Variants in MEI4 observed in about 807,000 individuals in gnomAD.
MEI4 encodes the protein meiotic double-stranded break formation protein 4.
A neutral mutation model predicts 31.4 loss-of-function variants in MEI4; 27 were observed. That is an observed-to-expected ratio of 0.86 (90% CI 0.63 to 1.19). The LOEUF (loss-of-function observed/expected upper bound fraction) is 1.19. Among genes scored for constraint, MEI4 ranks in the 50% most tolerant of loss-of-function variants. MEI4 has a pLI of 0.00. For synonymous variants in MEI4, 122 were observed against 145.4 expected (o/e 0.84, Z 1.16); for missense variants, 329 against 398.9 (o/e 0.82, Z 1.49).
At chr6:77,834,810 C>G (rs1770173996) in intron 4 of MEI4, among the ~76,000 whole-genome samples, 1 of 152,262 alleles carries the variant, frequency 6.6e-6, no homozygotes, top group South Asian at 2.1e-4. Flanking sequence ...CTTCTGCTGA[C>G]CCCTTTCCCC....
chr6:77,801,423 C>G (rs1431821081), intron 3 of MEI4, among the ~76,000 whole-genome samples: 2 of 152,064 alleles, frequency 1.3e-5, no homozygotes, highest in African/African-American at 4.8e-5. Flanking sequence ...TTTTGTTGCT[C>G]TTTTCAAAAC....
At chr6:77,815,389 A>C (rs545886686) in intron 3 of MEI4, among the ~76,000 whole-genome samples, 10 of 152,260 alleles carry the variant, frequency 6.6e-5, no homozygotes, top group Non-Finnish European at 1.5e-4. Context: ...GTTCCTGGTC[A>C]TTAAAGGGCA....
At chr6:77,886,203 C>T (rs533782279) in intron 4 of MEI4, among the ~76,000 whole-genome samples, 10 of 152,122 alleles carry the variant, frequency 6.6e-5, no homozygotes, top group Non-Finnish European at 1.3e-4. Flanking sequence ...TTCCCTCCTC[C>T]TCAACTTTTT....
intron 4 of MEI4, among the ~76,000 whole-genome samples, chr6:77,880,240 T>A (rs966375094): frequency 2.6e-5 from 4 of 151,476 alleles, no homozygotes; most frequent in Non-Finnish European, 5.9e-5. Flanking sequence ...GTTTGTTTTT[T>A]TTTTTTTTGA....
intron 3 of MEI4, among the ~76,000 whole-genome samples, chr6:77,805,924 C>T (rs890340314): frequency 6.6e-6 from 1 of 152,038 alleles, no homozygotes; most frequent in African/African-American, 2.4e-5. Flanking sequence ...ATCTCTTTCT[C>T]TTGATGTCTC....
rs1199035774 is a variant in MEI4, at chr6:77,924,221, A to G, written c.*875A>G. ...TGTTACATTTCCTATAGTGCCATTT[A>G]GGGAACACAAAATATAAATTTCCTT... On this transcript the variant is annotated 3_prime_UTR_variant, in exon 5 of 5. Coordinates refer to ENST00000684080, the MANE Select transcript of MEI4 (RefSeq NM_001322247.2). The G allele has an allele frequency of 2.0e-5, 3 of 151,848 alleles. No individual in the cohort carries two copies. The highest frequency in any genetic ancestry group is 4.4e-5 in the Non-Finnish European group (3 of 67,852). The allele number at this position is 151,848 out of a possible 1,614,324, so 9.4% of individuals were successfully genotyped here. A position where few individuals can be genotyped will look rare whatever the true frequency, so the allele number is the denominator to read the frequency against.
intron 3 of MEI4, among the ~76,000 whole-genome samples, chr6:77,775,874 T>C (rs969532462): frequency 1.3e-5 from 2 of 152,140 alleles, no homozygotes; most frequent in Non-Finnish European, 2.9e-5. Flanking sequence ...TTTTCTATTT[T>C]TCGGCCATTC....
At chr6:77,745,211 T>C (rs141901609) in intron 2 of MEI4, among the ~76,000 whole-genome samples, 43 of 152,304 alleles carry the variant, frequency 2.8e-4, no homozygotes, top group Middle Eastern at 6.8e-3. Context: ...CAGTGTGCTA[T>C]ATTCAGTAAA....
intron 3 of MEI4, among the ~76,000 whole-genome samples, chr6:77,770,765 AT>A (rs1385945201): frequency 1.3e-5 from 2 of 152,162 alleles, no homozygotes; most frequent in East Asian, 3.8e-4. Context: ...CTCCCTATTC[AT>A]TAAATCAACT....
intron 3 of MEI4, among the ~76,000 whole-genome samples, chr6:77,827,963 T>C (rs1295624390): frequency 3.9e-5 from 6 of 152,154 alleles, no homozygotes; most frequent in Non-Finnish European, 1.5e-5. Context: ...TAGGATTATA[T>C]TAACTCTAGA....
chr6:77,900,125 T>C (rs1766159163), intron 4 of MEI4, among the ~76,000 whole-genome samples: 1 of 151,964 alleles, frequency 6.6e-6, no homozygotes, highest in South Asian at 2.1e-4. Context: ...AGAATGGCTA[T>C]TATCAAAAAG....
At chr6:77,912,113 T>A (rs963877480) in intron 4 of MEI4, among the ~76,000 whole-genome samples, 4 of 152,102 alleles carry the variant, frequency 2.6e-5, no homozygotes, top group African/African-American at 7.2e-5. Context: ...GTTCTTGATA[T>A]CATTGTTGAA....
chr6:77,858,137 G>A (rs911812516), intron 4 of MEI4, among the ~76,000 whole-genome samples: 1 of 152,112 alleles, frequency 6.6e-6, no homozygotes, highest in Non-Finnish European at 1.5e-5. Flanking sequence ...ATCTAACAGA[G>A]AGTAATTTGT....
rs4125588 is a variant in MEI4, at chr6:77,724,930, T to A, written c.232+34027T>A. On this transcript the variant is annotated intron_variant, in intron 2 of 4. Transcript: ENST00000684080. ...CTTGTCTTTTCATTACAATCTATTATACCGCTTCCAGGGGCATCAGAAACT... is the reference window on the plus strand; with the variant it reads ...CTTGTCTTTTCATTACAATCTATTAAACCGCTTCCAGGGGCATCAGAAACT... 2.1e-5 allele frequency among the ~76,000 whole-genome samples: 3 copies of A among 144,232 alleles called. No individual in the cohort carries two copies. The East Asian group carries it at 6.0e-4, about 29-fold the overall frequency. 94.6% of individuals were successfully genotyped at this position (144,232 alleles called of 152,430 possible). A position where few individuals can be genotyped will look rare whatever the true frequency, so the allele number is the denominator to read the frequency against.
chr6:77,668,943 T>A (rs1407289468), intron 1 of MEI4, among the ~76,000 whole-genome samples: 1 of 152,178 alleles, frequency 6.6e-6, no homozygotes, highest in Non-Finnish European at 1.5e-5. Context: ...TCTTTATGAA[T>A]AATAAATGTT....
At position 77,748,525 on chromosome 6, in the gene MEI4, G is replaced by A. The variant is rs148681416; in HGVS notation, c.233-12605G>A. 1.1e-4 allele frequency among the ~76,000 whole-genome samples: 17 copies of A among 152,284 alleles called. No homozygotes were observed. In the East Asian group the frequency reaches 2.9e-3, roughly 26 times the overall value. ...GCACAGAGCAGGAGTGTGGTCCTGGGCCTAGCCCAGGAAGCCATTTTATCC... is the reference window on the plus strand; with the variant it reads ...GCACAGAGCAGGAGTGTGGTCCTGGACCTAGCCCAGGAAGCCATTTTATCC... On this transcript the variant is annotated intron_variant, in intron 2 of 4. Transcript: ENST00000684080.
intron 2 of MEI4, among the ~76,000 whole-genome samples, chr6:77,730,623 T>C (rs1029775279): frequency 1.3e-5 from 2 of 151,562 alleles, no homozygotes; most frequent in African/African-American, 2.4e-5. Context: ...TTTATTTATT[T>C]ACTTTTATTT....
chr6:77,858,953 T>C (rs1400272485), intron 4 of MEI4, among the ~76,000 whole-genome samples: 1 of 151,956 alleles, frequency 6.6e-6, no homozygotes. Flanking sequence ...TGCAGGTTTG[T>C]TACATAGGTA....
intron 4 of MEI4, among the ~76,000 whole-genome samples, chr6:77,830,800 T>C (rs2127711893): frequency 6.6e-6 from 1 of 152,140 alleles, no homozygotes; most frequent in Non-Finnish European, 1.5e-5. Context: ...ATGCAACTAC[T>C]AGAAGAAAAC....
Sources: gnomAD v4.1 joint callset for allele counts (sites outside exome capture counted in the v4.1 genomes callset) on GRCh38, gnomAD v4.1.1 for gene constraint, MANE v1.5 for transcripts, NCBI Gene and HGNC (gene_info 2026-07-23, HGNC 2026-07-21) for gene names.